The following TENM1 variants were observed in gnomAD, a reference collection of about 807,000 sequenced individuals.
TENM1 encodes the protein teneurin-1.
In TENM1, 35 loss-of-function variants were observed where a neutral mutation model predicts 174.8. That is an observed-to-expected ratio of 0.20 (90% CI 0.15 to 0.27). TENM1 has a LOEUF of 0.27. TENM1 is among the 10% of genes least tolerant of loss of function. The probability of loss-of-function intolerance (pLI) is 1.00; values close to 1 mark genes in which losing one functional copy is unlikely to be tolerated. For synonymous variants in TENM1, 781 were observed against 798.7 expected, an observed-to-expected ratio of 0.98 and a Z score of 0.37; for missense variants, 1,633 against 2,130.1, an observed-to-expected ratio of 0.77 and a Z score of 4.59.
At chrX:124,778,498 A>G (rs190820821) in intron 3 of TENM1, among the ~76,000 whole-genome samples, 10 of 112,607 alleles carry the variant, frequency 8.9e-5, no homozygotes, top group African/African-American at 2.9e-4. Flanking sequence ...CAACACAATG[A>G]GTGGAATTTT....
chrX:124,587,888 C>G (rs1168998740), intron 11 of TENM1, among the ~76,000 whole-genome samples: 1 of 111,790 alleles, frequency 8.9e-6, no homozygotes, highest in Non-Finnish European at 1.9e-5. Flanking sequence ...AGGACATGAA[C>G]AGACACTTCT....
chrX:124,904,342 G>A (rs995638981), intron 1 of TENM1, among the ~76,000 whole-genome samples: 1 of 111,541 alleles, frequency 9.0e-6, no homozygotes, highest in Non-Finnish European at 1.9e-5. Flanking sequence ...TACATTCTAA[G>A]GTGGTATTGC....
the TENM1 span, among the ~76,000 whole-genome samples, chrX:125,159,131 T>C: frequency 3.6e-5 from 4 of 111,496 alleles, no homozygotes; most frequent in Admixed American, 1.9e-4. Context: ...AGCCCACAAA[T>C]GGTCATGGAG....
At chrX:124,411,929 C>T (rs1026906023) in intron 25 of TENM1, 2 of 112,017 alleles carry the variant, frequency 1.8e-5, no homozygotes, top group African/African-American at 6.5e-5. Flanking sequence ...GAGATACAAG[C>T]CGATATGCTC....
At chrX:125,144,054 T>A in the TENM1 span, among the ~76,000 whole-genome samples, 23 of 111,677 alleles carry the variant, frequency 2.1e-4, no homozygotes, top group Non-Finnish European at 3.2e-4. Flanking sequence ...TGTCTGAGTA[T>A]CATTCTGGAG....
At chrX:125,162,862 C>G in the TENM1 span, among the ~76,000 whole-genome samples, 1 of 111,295 alleles carries the variant, frequency 9.0e-6, no homozygotes, top group Non-Finnish European at 1.9e-5. Context: ...GACGACATGT[C>G]CAGAATAGAA....
chrX:125,134,485 C>A, the TENM1 span, among the ~76,000 whole-genome samples: 2 of 112,108 alleles, frequency 1.8e-5, no homozygotes, highest in Admixed American at 9.4e-5. Flanking sequence ...GGATGCAGTT[C>A]TCTAGTCTAC....
chrX:124,738,209 C>T (rs908726950), intron 3 of TENM1, among the ~76,000 whole-genome samples: 1 of 111,688 alleles, frequency 9.0e-6, no homozygotes. Flanking sequence ...GACAGCATGG[C>T]CTTGTCCCAC....
chrX:124,412,533 C>G (rs892938976), intron 25 of TENM1, among the ~76,000 whole-genome samples: 1 of 112,343 alleles, frequency 8.9e-6, no homozygotes, highest in Admixed American at 9.4e-5. Flanking sequence ...AAATTCATTA[C>G]TTACTCTTTT....
chrX:124,482,434 G>A (rs750659138), intron 21 of TENM1, among the ~76,000 whole-genome samples: 3 of 110,524 alleles, frequency 2.7e-5, no homozygotes, highest in African/African-American at 6.6e-5. Context: ...ATCCTCCCAG[G>A]CCCCAGTTGT....
intron 3 of TENM1, among the ~76,000 whole-genome samples, chrX:124,850,862 G>A (rs1372708772): frequency 1.8e-5 from 2 of 111,200 alleles, no homozygotes; most frequent in African/African-American, 6.5e-5. Flanking sequence ...CATTTTGACC[G>A]ATTTTATAGA....
At chrX:124,618,807 A>G (rs1480951294) in intron 11 of TENM1, among the ~76,000 whole-genome samples, 14 of 112,605 alleles carry the variant, frequency 1.2e-4, no homozygotes, top group Non-Finnish European at 1.9e-4. Flanking sequence ...AAGACTGGGC[A>G]CAGTGGCTCA....
chrX:124,855,848 G>T (rs2056806021), intron 3 of TENM1, among the ~76,000 whole-genome samples: 1 of 111,475 alleles, frequency 9.0e-6, no homozygotes, highest in Non-Finnish European at 1.9e-5. Context: ...AGGAAAGGAA[G>T]ATTTGTGTAT....
At chrX:124,955,793 GCACGCACACACACA>G (rs2058562911) in intron 1 of TENM1, among the ~76,000 whole-genome samples, 1 of 78,116 alleles carries the variant, frequency 1.3e-5, no homozygotes, top group African/African-American at 6.3e-5. Context: ...CAACACACGC[GCACGCACACACACA>G]CACACACACA....
exon 2 of TENM1, chrX:124,896,144 A>G: frequency 1.7e-6 from 2 of 1,211,651 alleles, no homozygotes; most frequent in Non-Finnish European, 2.2e-6. Context: ...TGTCCACATC[A>G]GATCCCATCT....
chrX:124,757,306 G>T (rs1190430485), intron 3 of TENM1, among the ~76,000 whole-genome samples: 1 of 112,594 alleles, frequency 8.9e-6, no homozygotes, highest in Non-Finnish European at 1.9e-5. Flanking sequence ...CCAGGTGCGG[G>T]ATATAATCTC....
chrX:124,768,086 A>G (rs949709939), intron 3 of TENM1, among the ~76,000 whole-genome samples: 1 of 111,709 alleles, frequency 9.0e-6, no homozygotes, highest in African/African-American at 3.2e-5. Flanking sequence ...AAACACACGA[A>G]CCACAGCTGG....
chrX:124,674,381 C>CCTT (rs1255478792), intron 5 of TENM1, among the ~76,000 whole-genome samples: 28 of 98,781 alleles, frequency 2.8e-4, no homozygotes, highest in Non-Finnish European at 5.4e-4. Context: ...CCTAGGTGAA[C>CCTT]TGAAAGGGGC....
chrX:124,661,544 C>A (rs764990738), intron 6 of TENM1, among the ~76,000 whole-genome samples: 4 of 111,651 alleles, frequency 3.6e-5, no homozygotes, highest in Non-Finnish European at 7.5e-5. Context: ...ATATTTCATA[C>A]AATGTTAGAT....
Sources: gnomAD v4.1 joint callset for allele counts (sites outside exome capture counted in the v4.1 genomes callset) on GRCh38, gnomAD v4.1.1 for gene constraint, MANE v1.5 for transcripts, NCBI Gene and HGNC (gene_info 2026-07-23, HGNC 2026-07-21) for gene names.